Variants in CDK14 observed in about 807,000 individuals in gnomAD.
CDK14 encodes the protein cyclin dependent kinase 14.
In CDK14, 34 loss-of-function variants were observed where a neutral mutation model predicts 60.7. That is an observed-to-expected ratio of 0.56 (90% CI 0.43 to 0.75). CDK14 has a LOEUF of 0.75. CDK14 is among the 30% of genes least tolerant of loss of function. The probability of loss-of-function intolerance (pLI) is 0.00; values close to 1 mark genes in which losing one functional copy is unlikely to be tolerated. For synonymous variants in CDK14, 197 were observed against 203.7 expected, an observed-to-expected ratio of 0.97 and a Z score of 0.28; for missense variants, 482 against 564.1, an observed-to-expected ratio of 0.85 and a Z score of 1.47.
At chr7:90,760,808 A>G (rs991114626) in intron 4 of CDK14, among the ~76,000 whole-genome samples, 1 of 152,254 alleles carries the variant, frequency 6.6e-6, no homozygotes, top group East Asian at 1.9e-4. Context: ...GCAGTTCACA[A>G]TATGGGATTT....
intron 2 of CDK14, among the ~76,000 whole-genome samples, chr7:90,612,817 G>A (rs956150930): frequency 6.8e-6 from 1 of 147,574 alleles, no homozygotes; most frequent in Non-Finnish European, 1.5e-5. Flanking sequence ...TTTCTGTACT[G>A]TTTTATTTTC....
chr7:90,956,405 T>C (rs993911003), intron 9 of CDK14, among the ~76,000 whole-genome samples: 8 of 152,210 alleles, frequency 5.3e-5, no homozygotes, highest in African/African-American at 1.7e-4. Flanking sequence ...ATTTAATTCA[T>C]AATTAGCATT....
intron 2 of CDK14, among the ~76,000 whole-genome samples, chr7:90,660,654 C>G (rs1800849692): frequency 6.6e-6 from 1 of 152,162 alleles, no homozygotes; most frequent in African/African-American, 2.4e-5. Context: ...TCATACAGTA[C>G]AAATAGGTAC....
At chr7:90,952,247 A>C (rs1393286543) in intron 8 of CDK14, among the ~76,000 whole-genome samples, 1 of 152,174 alleles carries the variant, frequency 6.6e-6, no homozygotes, top group African/African-American at 2.4e-5. Context: ...AAATGTCGGG[A>C]GCACTGTCCC....
intron 6 of CDK14, among the ~76,000 whole-genome samples, chr7:90,865,365 C>T (rs1401622478): frequency 6.6e-6 from 1 of 151,974 alleles, no homozygotes; most frequent in African/African-American, 2.4e-5. Context: ...CTGAATATTA[C>T]CTAAAGTTTT....
intron 5 of CDK14, among the ~76,000 whole-genome samples, chr7:90,813,567 G>C (rs1457034402): frequency 6.6e-6 from 1 of 152,036 alleles, no homozygotes; most frequent in Non-Finnish European, 1.5e-5. Context: ...GGCCAACATG[G>C]CAAAACCCCG....
chr7:91,100,195 G>C (rs1264829295), intron 12 of CDK14, among the ~76,000 whole-genome samples: 1 of 152,142 alleles, frequency 6.6e-6, no homozygotes, highest in Non-Finnish European at 1.5e-5. Flanking sequence ...GGTGATCTCT[G>C]ATAAATCATA....
intron 4 of CDK14, among the ~76,000 whole-genome samples, chr7:90,783,770 G>A (rs1170229738): frequency 3.9e-5 from 6 of 152,024 alleles, no homozygotes; most frequent in Non-Finnish European, 1.5e-5. Flanking sequence ...CTGAAAGACA[G>A]GCAATAACAA....
At chr7:90,716,565 A>G (rs1382705774) in intron 2 of CDK14, among the ~76,000 whole-genome samples, 1 of 152,098 alleles carries the variant, frequency 6.6e-6, no homozygotes, top group Non-Finnish European at 1.5e-5. Flanking sequence ...GCTATAACCC[A>G]TGTATATTCT....
chr7:91,050,093 G>T (rs1203458491), intron 11 of CDK14, among the ~76,000 whole-genome samples: 1 of 152,198 alleles, frequency 6.6e-6, no homozygotes, highest in East Asian at 1.9e-4. Flanking sequence ...CCCTGAATGG[G>T]GAGGAGTGGA....
intron 5 of CDK14, among the ~76,000 whole-genome samples, chr7:90,818,405 A>T (rs1473341732): frequency 6.6e-6 from 1 of 152,234 alleles, no homozygotes; most frequent in East Asian, 1.9e-4. Flanking sequence ...ATGGGAAAAC[A>T]TGAAAGTTCA....
chr7:90,904,023 C>T (rs1437705072), intron 7 of CDK14, among the ~76,000 whole-genome samples: 1 of 151,998 alleles, frequency 6.6e-6, no homozygotes, highest in Admixed American at 6.6e-5. Flanking sequence ...CAATCCTAGC[C>T]TCTTGTTTTT....
rs571611695 is a variant in CDK14, at chr7:90,812,168, G to A, written c.544+21516G>A. Among the ~76,000 whole-genome samples, 3 of 152,298 alleles carry A rather than the reference G, an allele frequency of 2.0e-5. No individual in the cohort carries two copies. The East Asian group carries it at 5.8e-4, about 29-fold the overall frequency. On this transcript the variant is annotated intron_variant, in intron 5 of 14. Transcript: ENST00000380050. The stretch of plus-strand genomic sequence containing the variant: ...TGCTGTTATAAAGACACATGCCCAT[G>A]TATGTTTATTGTGGCACTATTAGCA...
At position 90,655,408 on chromosome 7, in the gene CDK14, A is replaced by G. The variant is rs551717702; in HGVS notation, c.123+51159A>G. Among the ~76,000 whole-genome samples, 215 of 151,614 alleles carry G rather than the reference A, an allele frequency of 1.4e-3. 1 individual carries two copies. The highest frequency in any genetic ancestry group is 0.01 in the South Asian group (49 of 4,800). On this transcript the variant is annotated intron_variant, in intron 2 of 14. Coordinates refer to ENST00000380050, the MANE Select transcript of CDK14 (RefSeq NM_001287135.2). ...AAGTTCGAGATGGTCTATCGGTTTA[A>G]AAAAAAAACAGCCTGGAAAAATGTG...
intron 11 of CDK14, among the ~76,000 whole-genome samples, chr7:91,065,941 A>G (rs181333499): frequency 1.1e-4 from 17 of 152,314 alleles, no homozygotes; most frequent in Admixed American, 1.0e-3. Context: ...TTAATTGTTC[A>G]TCCTTGTAAG....
At chr7:91,189,837 G>A (rs1802304744) in intron 14 of CDK14, among the ~76,000 whole-genome samples, 1 of 152,142 alleles carries the variant, frequency 6.6e-6, no homozygotes, top group Non-Finnish European at 1.5e-5. Flanking sequence ...AGAGTTAACT[G>A]CCATCACAAT....
In CDK14 at chr7:90,712,993, T is replaced by C. The variant is rs570222335; in HGVS notation, c.124-13574T>C. On this transcript the variant is annotated intron_variant, in intron 2 of 14. Coordinates refer to ENST00000380050, the MANE Select transcript of CDK14 (RefSeq NM_001287135.2). ...AAACTCAGTCTCCTGCTGCCCGCCA[T>C]GGGCCTTCTTTTACTCCCCACCCCT... Among the ~76,000 whole-genome samples, 329 of 116,386 alleles carry C rather than the reference T, an allele frequency of 2.8e-3. 3 individuals carry two copies. Among genetic ancestry groups the C allele is most frequent in the African/African-American group, 9.9e-3 (318 of 32,114 alleles). 76.4% of individuals were successfully genotyped at this position (116,386 alleles called of 152,430 possible).
At chr7:90,781,032 G>A (rs952151214) in intron 4 of CDK14, among the ~76,000 whole-genome samples, 9 of 151,904 alleles carry the variant, frequency 5.9e-5, no homozygotes, top group African/African-American at 1.2e-4. Context: ...GTGTAAAAGT[G>A]TTCCTATTTC....
At chr7:90,739,009 A>G (rs1236016484) in intron 3 of CDK14, among the ~76,000 whole-genome samples, 3 of 152,106 alleles carry the variant, frequency 2.0e-5, no homozygotes. Context: ...CCATTTCTGC[A>G]TACTTAAAAT....
Sources: gnomAD v4.1 joint callset for allele counts (sites outside exome capture counted in the v4.1 genomes callset) on GRCh38, gnomAD v4.1.1 for gene constraint, MANE v1.5 for transcripts, NCBI Gene and HGNC (gene_info 2026-07-23, HGNC 2026-07-21) for gene names.